CDH13: variants seen among roughly 807,000 people sequenced by gnomAD.
The protein encoded by CDH13 is cadherin 13, also known as cadherin-13.
In CDH13, 24 loss-of-function variants were observed where a neutral mutation model predicts 63.8. That is an observed-to-expected ratio of 0.38 (90% CI 0.27 to 0.53). CDH13 has a LOEUF of 0.53. CDH13 is among the 20% of genes least tolerant of loss of function. The pLI, the probability that CDH13 is intolerant of heterozygous loss-of-function variation, is 0.85. For missense variants in CDH13, 1,049 were observed against 903.1 expected (o/e 1.16, Z -2.07); for synonymous variants, 503 against 355.3 (o/e 1.42, Z -4.67).
In CDH13 at chr16:83,506,924, C is replaced by A. The variant is rs757304590; in HGVS notation, c.960+20269C>A. Among the ~76,000 whole-genome samples the A allele has an allele frequency of 1.2e-3, 180 of 152,334 alleles. 1 individual carries two copies. Among genetic ancestry groups the A allele is most frequent in the Non-Finnish European group, 1.7e-3 (119 of 68,038 alleles). Reference sequence around the variant, plus strand: ...AGATAACTGTAGCCTCACCAACATCCTGACTGAACTACACAGCTGAGCAGC... The same window carrying A: ...AGATAACTGTAGCCTCACCAACATCATGACTGAACTACACAGCTGAGCAGC... On this transcript the variant is annotated intron_variant, in intron 7 of 13. Coordinates refer to ENST00000567109, the MANE Select transcript of CDH13 (RefSeq NM_001257.5).
At chr16:83,191,464 T>TATATATATATATGCAC in intron 4 of CDH13, among the ~76,000 whole-genome samples, 1 of 92,508 alleles carries the variant, frequency 1.1e-5, no homozygotes, top group African/African-American at 4.6e-5. Context: ...AGGAAATATA[T>TATATATATATATGCAC]ATATATATAT....
chr16:82,796,839 G>C (rs376800795), intron 1 of CDH13, among the ~76,000 whole-genome samples: 70 of 152,340 alleles, frequency 4.6e-4, no homozygotes, highest in African/African-American at 1.5e-3. Context: ...AGCTCTTTAC[G>C]TAGGGCCACA....
intron 2 of CDH13, among the ~76,000 whole-genome samples, chr16:82,959,229 G>C (rs1171153539): frequency 6.6e-6 from 1 of 152,114 alleles, no homozygotes; most frequent in Non-Finnish European, 1.5e-5. Flanking sequence ...TCAAATTCAT[G>C]TTTTGTTTAA....
chr16:83,748,750 G>T (rs780856678), intron 11 of CDH13, among the ~76,000 whole-genome samples: 7 of 152,210 alleles, frequency 4.6e-5, no homozygotes, highest in Non-Finnish European at 1.0e-4. Context: ...TCAAAAGATG[G>T]TAATGCACTA....
rs576746950 is a variant in CDH13 at position 82,692,975 on chromosome 16, AT to A, written c.45+65842del. The stretch of plus-strand genomic sequence containing the variant: ...GTCTTCTGTGATCGTTTTACAAAAG[AT>A]TTTGCCTTCCACCTTGTTAGATTCT... On this transcript the variant is annotated intron_variant, in intron 1 of 13. Transcript: ENST00000567109. Among the ~76,000 whole-genome samples the A allele has an allele frequency of 2.0e-3, 310 of 152,196 alleles. 5 individuals are homozygous for A. Among genetic ancestry groups the A allele is most frequent in the Non-Finnish European group, 2.9e-3 (199 of 68,004 alleles).
chr16:83,198,757 A>T (rs2038946686), intron 4 of CDH13, among the ~76,000 whole-genome samples: 1 of 152,042 alleles, frequency 6.6e-6, no homozygotes, highest in South Asian at 2.1e-4. Context: ...AAAAGATTCA[A>T]CTCCTGCTTT....
chr16:82,815,000 A>T (rs2037634974), intron 1 of CDH13, among the ~76,000 whole-genome samples: 1 of 152,184 alleles, frequency 6.6e-6, no homozygotes, highest in Non-Finnish European at 1.5e-5. Context: ...GACAGTAGGT[A>T]AAACATTTTG....
chr16:83,685,850 C>G (rs760101125), intron 10 of CDH13, among the ~76,000 whole-genome samples: 1 of 152,176 alleles, frequency 6.6e-6, no homozygotes, highest in Non-Finnish European at 1.5e-5. Flanking sequence ...GCCTCTGCCT[C>G]TAGGGAATAG....
chr16:83,056,992 G>A (rs2031012397), intron 3 of CDH13, among the ~76,000 whole-genome samples: 1 of 151,946 alleles, frequency 6.6e-6, no homozygotes, highest in African/African-American at 2.4e-5. Flanking sequence ...TTTTGAGATG[G>A]AGTCTCACTC....
intron 7 of CDH13, among the ~76,000 whole-genome samples, chr16:83,563,568 C>T (rs1380692460): frequency 1.3e-5 from 2 of 152,168 alleles, no homozygotes; most frequent in African/African-American, 4.8e-5. Flanking sequence ...TTACTGTAAT[C>T]AATGTGCTTG....
chr16:83,146,317 T>C lies in CDH13; in HGVS notation c.483+20816T>C, dbSNP rs535816130. On this transcript the variant is annotated intron_variant, in intron 4 of 13. Coordinates refer to ENST00000567109, the MANE Select transcript of CDH13 (RefSeq NM_001257.5). ...GAGGCCCTGGTAGTTGAAGACATTA[T>C]GTCTAGATAACTCCATCACCATGGC... Among the ~76,000 whole-genome samples, 125 of 152,330 alleles carry C rather than the reference T, an allele frequency of 8.2e-4. 1 individual carries two copies. In the Middle Eastern group the frequency reaches 0.014, roughly 17 times the overall value.
intron 5 of CDH13, among the ~76,000 whole-genome samples, chr16:83,320,381 G>GTCCC (rs2090196313): frequency 1.3e-5 from 2 of 152,086 alleles, no homozygotes; most frequent in African/African-American, 4.8e-5. Flanking sequence ...CAAAGAACAG[G>GTCCC]ACTTATTGTC....
intron 5 of CDH13, among the ~76,000 whole-genome samples, chr16:83,337,984 G>A (rs1355084041): frequency 6.6e-6 from 1 of 152,106 alleles, no homozygotes; most frequent in African/African-American, 2.4e-5. Context: ...TGTGAGCACA[G>A]TGAGGGGAAT....
chr16:82,864,616 C>G (rs1359425423), intron 2 of CDH13, among the ~76,000 whole-genome samples: 1 of 152,058 alleles, frequency 6.6e-6, no homozygotes, highest in Admixed American at 6.6e-5. Context: ...TCAGTTACCT[C>G]CAGCTGGTCA....
intron 1 of CDH13, among the ~76,000 whole-genome samples, chr16:82,712,103 T>TA (rs950867361): frequency 9.9e-5 from 15 of 151,942 alleles, no homozygotes; most frequent in South Asian, 2.1e-4. Context: ...TACCATATCT[T>TA]AAAAAAAACT....
At chr16:83,340,735 C>G (rs910960702) in intron 5 of CDH13, among the ~76,000 whole-genome samples, 1 of 152,202 alleles carries the variant, frequency 6.6e-6, no homozygotes, top group Non-Finnish European at 1.5e-5. Context: ...CTAGAACACA[C>G]AGCACAGACA....
chr16:83,687,458 C>T (rs1904419139), intron 10 of CDH13, among the ~76,000 whole-genome samples: 1 of 152,126 alleles, frequency 6.6e-6, no homozygotes, highest in African/African-American at 2.4e-5. Flanking sequence ...GTGCTACACA[C>T]TTTTAAACAA....
At chr16:82,983,770 C>G (rs1910590276) in intron 2 of CDH13, among the ~76,000 whole-genome samples, 1 of 152,178 alleles carries the variant, frequency 6.6e-6, no homozygotes, top group Non-Finnish European at 1.5e-5. Context: ...TTGTGTGTCT[C>G]TCTGAATTAG....
chr16:82,669,452 T>A (rs1237670630), intron 1 of CDH13, among the ~76,000 whole-genome samples: 2 of 152,254 alleles, frequency 1.3e-5, no homozygotes, highest in African/African-American at 2.4e-5. Context: ...TTGAGCCTTT[T>A]ATTTTAAGTG....
Sources: gnomAD v4.1 joint callset for allele counts (sites outside exome capture counted in the v4.1 genomes callset) on GRCh38, gnomAD v4.1.1 for gene constraint, MANE v1.5 for transcripts, NCBI Gene and HGNC (gene_info 2026-07-23, HGNC 2026-07-21) for gene names.